Variants in ANKS1B observed in about 807,000 individuals in gnomAD.
ANKS1B encodes the protein ankyrin repeat and sterile alpha motif domain-containing protein 1B.
ANKS1B carries 36 observed loss-of-function variants against 148.3 expected under a neutral mutation model. The ratio of observed to expected loss-of-function variants is 0.24; its 90% CI spans 0.19 to 0.32. The LOEUF (loss-of-function observed/expected upper bound fraction) is 0.32. Among genes scored for constraint, ANKS1B ranks in the 10% least tolerant of loss-of-function variants. The pLI is 1.00. For missense variants in ANKS1B, 1,157 were observed against 1,542.6 expected (o/e 0.75, Z 4.19); for synonymous variants, 542 against 560.8 (o/e 0.97, Z 0.47).
chr12:98,800,979 G>A lies in ANKS1B; in HGVS notation c.3270+18C>T. The A allele has an allele frequency of 6.2e-7, 1 of 1,609,216 alleles. No individual in the cohort carries two copies. Among genetic ancestry groups the A allele is most frequent in the Non-Finnish European group, 8.5e-7 (1 of 1,177,368 alleles). On this transcript the variant is annotated intron_variant, in intron 21 of 26. Coordinates refer to ENST00000683438, the MANE Select transcript of ANKS1B (RefSeq NM_001352186.2). ...CTATCTCCACTTAGGCCCAAATACT[G>A]AATTGAGGGTAACTTACAAAAGCTT...
rs549086561 is a variant in ANKS1B at position 99,800,753 on chromosome 12, C to T, written c.669+5651G>A. ...CTTTGGAAATGCTGAGTTTGAGAAG[C>T]CTATTAGTCATCTGATAGATATGTC... On this transcript the variant is annotated intron_variant, in intron 4 of 26. Transcript: ENST00000683438. 9.9e-5 allele frequency among the ~76,000 whole-genome samples: 15 copies of T among 152,096 alleles called. No homozygotes were observed. In the South Asian group the frequency reaches 2.3e-3, roughly 23 times the overall value.
At chr12:99,013,188 A>G (rs1267896918) in intron 17 of ANKS1B, among the ~76,000 whole-genome samples, 2 of 152,224 alleles carry the variant, frequency 1.3e-5, no homozygotes, top group African/African-American at 2.4e-5. Flanking sequence ...GCCCAGACAC[A>G]TTCCATTAGA....
intron 10 of ANKS1B, among the ~76,000 whole-genome samples, chr12:99,466,640 A>C (rs1156466764): frequency 6.6e-6 from 1 of 151,254 alleles, no homozygotes; most frequent in Non-Finnish European, 1.5e-5. Flanking sequence ...ACAAACTAAC[A>C]TCAGAGAATA....
intron 12 of ANKS1B, among the ~76,000 whole-genome samples, chr12:99,330,492 G>A (rs112549304): frequency 3.2e-4 from 48 of 151,994 alleles, no homozygotes; most frequent in African/African-American, 8.7e-4. Context: ...TCTGAAATTC[G>A]ACAACTTTGT....
intron 14 of ANKS1B, among the ~76,000 whole-genome samples, chr12:99,243,906 A>C (rs1000382290): frequency 5.3e-5 from 8 of 152,224 alleles, no homozygotes; most frequent in African/African-American, 1.7e-4. Context: ...CATTAGGAGA[A>C]ATACCTAATG....
intron 15 of ANKS1B, among the ~76,000 whole-genome samples, chr12:99,136,913 C>T (rs1389509738): frequency 6.6e-6 from 1 of 152,066 alleles, no homozygotes; most frequent in East Asian, 1.9e-4. Flanking sequence ...CATCATTGTT[C>T]CTGTGTCTAT....
chr12:99,727,803 T>A (rs1248126274), intron 8 of ANKS1B, among the ~76,000 whole-genome samples: 1 of 151,904 alleles, frequency 6.6e-6, no homozygotes, highest in Non-Finnish European at 1.5e-5. Context: ...TATAGACCAG[T>A]GGAACAGAAC....
chr12:99,532,957 G>C (rs2097017155), intron 9 of ANKS1B, among the ~76,000 whole-genome samples: 1 of 152,188 alleles, frequency 6.6e-6, no homozygotes, highest in African/African-American at 2.4e-5. Context: ...GTCAGGTCAT[G>C]TGATGCATCT....
rs1346893023 is a variant in ANKS1B, at chr12:98,744,785, G to A, written c.*954C>T. 37 of 980,410 alleles carry A rather than the reference G, an allele frequency of 3.8e-5. No individual in the cohort carries two copies. The highest frequency in any genetic ancestry group is 4.5e-5 in the Non-Finnish European group (37 of 827,584). The allele number at this position is 980,410 out of a possible 1,614,324, so 60.7% of individuals were successfully genotyped here. ...TTCCATGACAGAAATCTTGACAGCA[G>A]GAGCACTAGATTTTTTTTTTTTTAA... On this transcript the variant is annotated 3_prime_UTR_variant, in exon 27 of 27. Transcript: ENST00000683438.
rs985575568 is a variant in ANKS1B at position 98,794,717 on chromosome 12, C to G, written c.3342+4217G>C. The G allele has an allele frequency of 9.5e-6, 9 of 947,200 alleles. No individual in the cohort carries two copies. In the African/African-American group the frequency reaches 1.4e-4, roughly 15 times the overall value. The allele number at this position is 947,200 out of a possible 1,614,324, so 58.7% of individuals were successfully genotyped here. On this transcript the variant is annotated intron_variant, in intron 22 of 26. Transcript: ENST00000683438. ...TGAATTTGAAAACCGTAGAAATGAA[C>G]CTATCAAATACCAGTGAGAGCTATG...
At chr12:99,351,728 A>T (rs146994529) in intron 12 of ANKS1B, among the ~76,000 whole-genome samples, 19 of 152,210 alleles carry the variant, frequency 1.2e-4, no homozygotes, top group African/African-American at 3.6e-4. Flanking sequence ...GTTAAAGCAT[A>T]GAAGTATTAA....
At chr12:99,107,848 A>T (rs892025087) in intron 15 of ANKS1B, among the ~76,000 whole-genome samples, 1 of 152,208 alleles carries the variant, frequency 6.6e-6, no homozygotes, top group African/African-American at 2.4e-5. Flanking sequence ...TAACACAGAT[A>T]TCTAGAGAAC....
At chr12:99,227,227 A>G (rs190660979) in intron 14 of ANKS1B, among the ~76,000 whole-genome samples, 49 of 152,106 alleles carry the variant, frequency 3.2e-4, no homozygotes, top group African/African-American at 2.7e-4. Context: ...CTAGTTGCTT[A>G]AAAGTGTTTG....
intron 14 of ANKS1B, among the ~76,000 whole-genome samples, chr12:99,235,459 A>T (rs2087725927): frequency 1.3e-5 from 2 of 152,178 alleles, no homozygotes; most frequent in African/African-American, 4.8e-5. Context: ...AAAGTTGATA[A>T]GAAAAGAAAT....
At chr12:98,737,097 C>T (rs143353956) in intron 9 of ANKS1B, among the ~76,000 whole-genome samples, 2 of 152,272 alleles carry the variant, frequency 1.3e-5, no homozygotes, top group African/African-American at 4.8e-5. Flanking sequence ...ACTAAGAGAC[C>T]GCTCAGGGGA....
At chr12:99,702,619 T>C (rs1325099054) in intron 8 of ANKS1B, among the ~76,000 whole-genome samples, 1 of 151,530 alleles carries the variant, frequency 6.6e-6, no homozygotes, top group African/African-American at 2.4e-5. Context: ...TATGGCTCAC[T>C]GCAGCCTCAA....
chr12:98,780,474 T>C (rs1357074782), intron 24 of ANKS1B, among the ~76,000 whole-genome samples: 1 of 152,184 alleles, frequency 6.6e-6, no homozygotes, highest in Non-Finnish European at 1.5e-5. Context: ...CTGACCACGC[T>C]TGACATCACA....
intron 12 of ANKS1B, among the ~76,000 whole-genome samples, chr12:99,380,754 C>CTCCTTCCT (rs144164931): frequency 0.055 from 7,334 of 132,722 alleles, 244 homozygotes; most frequent in South Asian, 0.067. Context: ...GTTTCCTTTC[C>CTCCTTCCT]TCCTTCCTTC....
intron 8 of ANKS1B, among the ~76,000 whole-genome samples, chr12:99,717,899 C>T (rs1230728985): frequency 9.0e-6 from 1 of 111,072 alleles, no homozygotes; most frequent in Non-Finnish European, 1.8e-5. Flanking sequence ...AGACAATACT[C>T]TTTTTTTTTT....
Sources: allele counts gnomAD v4.1 joint callset (sites outside exome capture counted in the v4.1 genomes callset), GRCh38; gene constraint gnomAD v4.1.1; transcripts MANE v1.5; gene names NCBI Gene and HGNC (gene_info 2026-07-23, HGNC 2026-07-21).